CIRSR: variants seen among roughly 807,000 people sequenced by gnomAD.
CIRSR encodes the protein CBF1 (RBPJ) interacting corepressor 1.
At chr2:174,354,445 A>G in the CIRSR span, among the ~76,000 whole-genome samples, 1 of 15,580 alleles carries the variant, frequency 6.4e-5, no homozygotes, top group Non-Finnish European at 1.9e-4. Context: ...TATATAATAT[A>G]TTATATAATA....
At chr2:174,368,718 G>A in the CIRSR span, among the ~76,000 whole-genome samples, 1 of 152,252 alleles carries the variant, frequency 6.6e-6, no homozygotes, top group East Asian at 1.9e-4. Context: ...GTGTAATAAG[G>A]AATTTGGCTG....
At chr2:174,370,910 C>CAA in the CIRSR span, among the ~76,000 whole-genome samples, 191 of 128,454 alleles carry the variant, frequency 1.5e-3, 2 homozygotes, top group South Asian at 5.1e-3. Context: ...GACTCCGTCT[C>CAA]AAAAAAAAAA....
At chr2:174,395,656 A>G in the CIRSR span, 1 of 1,614,030 alleles carries the variant, frequency 6.2e-7, no homozygotes, top group African/African-American at 1.3e-5. Context: ...CAGGGGCTAG[A>G]TCTGTTAGCA....
chr2:174,350,951 T>C, the CIRSR span, among the ~76,000 whole-genome samples: 2 of 152,212 alleles, frequency 1.3e-5, no homozygotes, highest in African/African-American at 2.4e-5. Context: ...GAGGTTAACA[T>C]GACTGCTTTG....
chr2:174,365,266 AC>A, the CIRSR span, among the ~76,000 whole-genome samples: 1 of 152,144 alleles, frequency 6.6e-6, no homozygotes, highest in Non-Finnish European at 1.5e-5. Context: ...ATCTGAGATC[AC>A]CTCAGCCTGG....
chr2:174,371,524 T>G, the CIRSR span, among the ~76,000 whole-genome samples: 1 of 152,232 alleles, frequency 6.6e-6, no homozygotes, highest in African/African-American at 2.4e-5. Flanking sequence ...GTTTTACATA[T>G]AATTTTGATT....
chr2:174,395,552 T>G, the CIRSR span: 1 of 1,614,076 alleles, frequency 6.2e-7, no homozygotes, highest in Non-Finnish European at 8.5e-7. Context: ...TTTACTCACT[T>G]TTTTGATATT....
the CIRSR span, among the ~76,000 whole-genome samples, chr2:174,376,801 G>GAAAAAAAAAAAAAAAAAAGA: frequency 9.4e-6 from 1 of 106,944 alleles, no homozygotes; most frequent in Non-Finnish European, 1.9e-5. Context: ...CTGTCTCAGG[G>GAAAAAAAAAAAAAAAAAAGA]AAAAAAAAAA....
At chr2:174,354,639 T>C in the CIRSR span, among the ~76,000 whole-genome samples, 1 of 85,646 alleles carries the variant, frequency 1.2e-5, no homozygotes, top group African/African-American at 4.7e-5. Flanking sequence ...ATAATATATA[T>C]TATATATTTT....
the CIRSR span, chr2:174,349,015 C>G: frequency 6.3e-7 from 1 of 1,599,764 alleles, no homozygotes; most frequent in African/African-American, 1.4e-5. Flanking sequence ...CTCTCACTCT[C>G]ACTACTGCTT....
At chr2:174,377,824 C>CAAAA in the CIRSR span, among the ~76,000 whole-genome samples, 10,769 of 60,016 alleles carry the variant, frequency 0.18, 1,511 homozygotes, top group East Asian at 0.52. Context: ...GACGCCATCT[C>CAAAA]AAAAAAAAAA....
the CIRSR span, among the ~76,000 whole-genome samples, chr2:174,355,541 T>C: frequency 6.6e-6 from 1 of 152,182 alleles, no homozygotes; most frequent in East Asian, 1.9e-4. Flanking sequence ...TGCTGTGATA[T>C]GGATAAGTAT....
At chr2:174,348,587 G>T in the CIRSR span, 1 of 1,614,070 alleles carries the variant, frequency 6.2e-7, no homozygotes, top group South Asian at 1.1e-5. Flanking sequence ...CATGGCTTCT[G>T]CTGTCATTTC....
the CIRSR span, chr2:174,381,583 G>A: frequency 3.1e-6 from 2 of 643,144 alleles, no homozygotes; most frequent in African/African-American, 1.9e-5. Flanking sequence ...AACTCAGGAG[G>A]TGGATGGAGG....
chr2:174,392,508 G>A, the CIRSR span, among the ~76,000 whole-genome samples: 12 of 152,298 alleles, frequency 7.9e-5, no homozygotes, highest in Admixed American at 2.0e-4. Flanking sequence ...CAAGATTGGA[G>A]GCAGTAGAAC....
chr2:174,362,201 A>C, the CIRSR span, among the ~76,000 whole-genome samples: 2 of 151,816 alleles, frequency 1.3e-5, no homozygotes, highest in African/African-American at 2.4e-5. Context: ...AGCTACTCTG[A>C]AGGCTGAGGT....
At chr2:174,363,902 C>A in the CIRSR span, among the ~76,000 whole-genome samples, 1 of 152,156 alleles carries the variant, frequency 6.6e-6, no homozygotes, top group African/African-American at 2.4e-5. Flanking sequence ...TATCATCCCA[C>A]CCCTGGCCCT....
the CIRSR span, among the ~76,000 whole-genome samples, chr2:174,367,430 A>G: frequency 6.6e-6 from 1 of 152,158 alleles, no homozygotes; most frequent in Non-Finnish European, 1.5e-5. Context: ...CTACAAAAAA[A>G]TTAGCCGGGT....
chr2:174,390,254 T>C, the CIRSR span, among the ~76,000 whole-genome samples: 4 of 152,252 alleles, frequency 2.6e-5, no homozygotes, highest in Non-Finnish European at 5.9e-5. Flanking sequence ...TTTGGGAGCC[T>C]ACCTCTTGCA....
Sources: gnomAD v4.1 joint callset for allele counts (sites outside exome capture counted in the v4.1 genomes callset) on GRCh38, gnomAD v4.1.1 for gene constraint, MANE v1.5 for transcripts, NCBI Gene and HGNC (gene_info 2026-07-23, HGNC 2026-07-21) for gene names.